The following PLD1 variants were observed in gnomAD, a reference collection of about 807,000 sequenced individuals.
The protein encoded by PLD1 is choline phosphatase 1.
A neutral mutation model predicts 137.1 loss-of-function variants in PLD1; 112 were observed. That is an observed-to-expected ratio of 0.82 (90% CI 0.70 to 0.96). The LOEUF (loss-of-function observed/expected upper bound fraction) is 0.96, where lower values mean the gene tolerates loss of function less well. Ranked by LOEUF, PLD1 falls within the 40% of genes least tolerant of loss-of-function variation. PLD1 has a pLI of 0.00. For missense variants in PLD1, 1,321 were observed against 1,342.0 expected (o/e 0.98, Z 0.24); for synonymous variants, 431 against 454.7 (o/e 0.95, Z 0.66).
At chr3:171,707,105 G>C (rs1716755720) in intron 11 of PLD1, among the ~76,000 whole-genome samples, 1 of 152,178 alleles carries the variant, frequency 6.6e-6, no homozygotes, top group South Asian at 2.1e-4. Flanking sequence ...TTATAAGTGG[G>C]AGCTAAATGA....
At chr3:171,758,552 A>G (rs1182685495) in intron 1 of PLD1, among the ~76,000 whole-genome samples, 1 of 152,200 alleles carries the variant, frequency 6.6e-6, no homozygotes, top group Non-Finnish European at 1.5e-5. Context: ...GGAAATGCAA[A>G]ACCTTGGCCA....
rs1236817237 is a variant in PLD1 at position 171,674,614 on chromosome 3, C to A, written c.2116-1G>T. ...GGGACCGATATTTTGATTTCATAAT[C>A]TAAAATAAAGAAAAAGGATAAAATA... is the stretch of plus-strand genomic sequence containing the variant. On this transcript the variant is annotated splice_acceptor_variant, in intron 18 of 26. Transcript: ENST00000351298. LOFTEE classifies it high-confidence loss of function. 2.8e-6 allele frequency: 4 copies of A among 1,453,716 alleles called. No individual in the cohort carries two copies. Among genetic ancestry groups the A allele is most frequent in the Non-Finnish European group, 3.8e-6 (4 of 1,039,686 alleles). 90.1% of individuals were successfully genotyped at this position (1,453,716 alleles called of 1,614,324 possible). A position where few individuals can be genotyped will look rare whatever the true frequency, so the allele number is the denominator to read the frequency against.
At chr3:171,724,903 C>T in intron 7 of PLD1, 115 bp from the exon 8 acceptor site, 5 of 715,564 alleles carry the variant, frequency 7.0e-6, no homozygotes, top group South Asian at 6.1e-5. Context: ...GACTTTCCTC[C>T]CTACTCTCTC....
rs1471377555 is a variant in PLD1, at chr3:171,688,857, T to C, written c.1358A>G (p.His453Arg). The C allele has an allele frequency of 1.2e-6, 2 of 1,613,644 alleles. No homozygotes were observed. The highest frequency in any genetic ancestry group is 1.7e-6 in the Non-Finnish European group (2 of 1,179,580). ...PNIKVMRHPDHVSSTVYLWAH... is the reference protein window; with the variant it reads ...PNIKVMRHPDRVSSTVYLWAH... Reference sequence around the variant, plus strand: ...CCACAAATAGACGGTGGATGACACATGATCCGGGTGTCTCATCACCTTGAG... The same window carrying C: ...CCACAAATAGACGGTGGATGACACACGATCCGGGTGTCTCATCACCTTGAG... Residue 453 changes from histidine (H) to arginine (R), a missense_variant, in exon 14 of 27, where the codon CAT becomes CGT. Transcript: ENST00000351298.
intron 19 of PLD1, among the ~76,000 whole-genome samples, chr3:171,667,821 T>C (rs9841075): frequency 0.52 from 78,886 of 152,122 alleles, 21,769 homozygotes; most frequent in African/African-American, 0.72. Context: ...GCGTGATCTC[T>C]GCTCACTGTA....
chr3:171,767,064 AGTCATACTGG>A (rs1318081301), intron 1 of PLD1, among the ~76,000 whole-genome samples: 2 of 152,240 alleles, frequency 1.3e-5, no homozygotes, highest in African/African-American at 4.8e-5. Context: ...ACTAGCAGGA[AGTCATACTGG>A]GCAGAAATAA....
chr3:171,695,491 A>G (rs1277239789), intron 12 of PLD1, among the ~76,000 whole-genome samples: 2 of 152,226 alleles, frequency 1.3e-5, no homozygotes. Flanking sequence ...TAAAAGATGA[A>G]AGTTCTGTCC....
chr3:171,738,157 GACTTAGATACAGCATATGGAA>G, intron 1 of PLD1, 75 bp from the exon 2 acceptor site: 1 of 851,006 alleles, frequency 1.2e-6, no homozygotes, highest in Non-Finnish European at 1.8e-6. Context: ...TTTGAATCCA[GACTTAGATACAGCATATGGAA>G]ACAATTCAGC....
intron 23 of PLD1, among the ~76,000 whole-genome samples, chr3:171,635,213 A>G (rs1735005139): frequency 1.3e-5 from 2 of 152,170 alleles, no homozygotes; most frequent in Admixed American, 1.3e-4. Flanking sequence ...GCTATTCTGA[A>G]TAATGCTGCT....
At chr3:171,796,876 G>C (rs887940554) in intron 1 of PLD1, among the ~76,000 whole-genome samples, 2 of 152,022 alleles carry the variant, frequency 1.3e-5, no homozygotes, top group Non-Finnish European at 2.9e-5. Context: ...CTTGCTTCTG[G>C]ATGGGGCTGC....
Position 171,709,574 on chromosome 3 carries a change from A to G in PLD1, c.1047T>C (p.Asn349=). The G allele has an allele frequency of 6.2e-7, 1 of 1,613,892 alleles. No homozygotes were observed. Among genetic ancestry groups the G allele is most frequent in the Non-Finnish European group, 8.5e-7 (1 of 1,179,874 alleles). ...TAATAACTTACCATTTAGCTAAAGC[A>G]TTCTCTTGGATAGCAGCATATGACC... ...RFGSYAAIQE[N]ALAKWYVNAK... is the part of the protein sequence containing the mutation. Residue 349 remains asparagine (N), a synonymous_variant, in exon 10 of 27, where the codon AAT becomes AAC. Coordinates refer to ENST00000351298, the MANE Select transcript of PLD1 (RefSeq NM_002662.5).
chr3:171,698,395 G>T (rs989226833), intron 12 of PLD1, among the ~76,000 whole-genome samples: 2 of 152,168 alleles, frequency 1.3e-5, no homozygotes, highest in East Asian at 3.8e-4. Flanking sequence ...ATGTTGTTTG[G>T]CAGAATGTGT....
At chr3:171,635,858 T>C (rs1735055139) in intron 23 of PLD1, among the ~76,000 whole-genome samples, 2 of 151,914 alleles carry the variant, frequency 1.3e-5, no homozygotes, top group Admixed American at 6.6e-5. Context: ...CAATGATTTA[T>C]GCCTATTATT....
At chr3:171,724,990 T>C (rs572913943) in intron 7 of PLD1, among the ~76,000 whole-genome samples, 2 of 152,206 alleles carry the variant, frequency 1.3e-5, no homozygotes, top group South Asian at 4.2e-4. Flanking sequence ...ACTGGTGAGA[T>C]ATAGCCCCTT....
At chr3:171,641,498 T>C (rs966766368) in intron 23 of PLD1, among the ~76,000 whole-genome samples, 1 of 152,186 alleles carries the variant, frequency 6.6e-6, no homozygotes, top group African/African-American at 2.4e-5. Context: ...TGCACCCCAT[T>C]TGGGAGGCTA....
At chr3:171,682,612 A>C (rs1231341933) in intron 16 of PLD1, among the ~76,000 whole-genome samples, 1 of 152,272 alleles carries the variant, frequency 6.6e-6, no homozygotes, top group Non-Finnish European at 1.5e-5. Flanking sequence ...AAGGTATTAC[A>C]TGATTTAAAT....
chr3:171,674,989 AAAAAAAAAAAG>A, intron 18 of PLD1, among the ~76,000 whole-genome samples: 1 of 151,150 alleles, frequency 6.6e-6, no homozygotes, highest in East Asian at 1.9e-4. Flanking sequence ...CAAAAAAAAA[AAAAAAAAAAAG>A]AAAAAGAAAA....
Position 171,687,457 on chromosome 3 carries a change from T to C in PLD1, c.1667A>G (p.Lys556Arg), listed in dbSNP as rs762308267. 9.9e-6 allele frequency: 16 copies of C among 1,614,074 alleles called. No individual in the cohort carries two copies. In the African/African-American group the frequency reaches 2.0e-4, roughly 20 times the overall value. ...CTTGTAGAGACTAAATTTGGAGAAC[T>C]TTCTTGGCTTTCCTATTCCTTTCAG... Reference protein sequence around the residue: ...SKLKGIGKPRKFSKFSLYKQL... With the variant: ...SKLKGIGKPRRFSKFSLYKQL... Residue 556 changes from lysine to arginine, a missense_variant, in exon 15 of 27, where the codon AAG (lysine) becomes AGG (arginine). By Grantham distance (26) the Lys-to-Arg change is conservative (BLOSUM62 2). Transcript: ENST00000351298.
intron 21 of PLD1, among the ~76,000 whole-genome samples, chr3:171,649,422 T>C (rs1736540159): frequency 6.6e-6 from 1 of 152,208 alleles, no homozygotes; most frequent in South Asian, 2.1e-4. Context: ...TGTGGTTGAA[T>C]GTAAGCCAAA....
Sources: allele counts gnomAD v4.1 joint callset (sites outside exome capture counted in the v4.1 genomes callset), GRCh38; gene constraint gnomAD v4.1.1; transcripts MANE v1.5; gene names NCBI Gene and HGNC (gene_info 2026-07-23, HGNC 2026-07-21).